GPATCH2L: variants seen among roughly 807,000 people sequenced by gnomAD.
The protein encoded by GPATCH2L is G-patch domain containing 2 like.
Under a neutral mutation model 57.4 loss-of-function variants are expected in GPATCH2L, and 31 were observed. That is an observed-to-expected ratio of 0.54 (90% CI 0.41 to 0.73). GPATCH2L has a LOEUF of 0.73. GPATCH2L is among the 30% of genes least tolerant of loss of function. The probability of loss-of-function intolerance (pLI) is 0.00; values close to 1 mark genes in which losing one functional copy is unlikely to be tolerated. For missense variants in GPATCH2L, 481 were observed against 599.9 expected (o/e 0.80, Z 2.07); for synonymous variants, 199 against 210.7 (o/e 0.94, Z 0.48).
chr14:76,199,315 G>A (rs2040246429), intron 9 of GPATCH2L, among the ~76,000 whole-genome samples: 1 of 151,768 alleles, frequency 6.6e-6, no homozygotes, highest in Non-Finnish European at 1.5e-5. Context: ...GCAGACATAT[G>A]TATCTTCAAG....
intron 8 of GPATCH2L, among the ~76,000 whole-genome samples, chr14:76,184,599 A>C (rs974693216): frequency 6.6e-6 from 1 of 152,218 alleles, no homozygotes; most frequent in African/African-American, 2.4e-5. Flanking sequence ...TATTAAAATA[A>C]CATTTTATTG....
intron 5 of GPATCH2L, chr14:76,175,265 GC>G (rs1194927566): frequency 6.6e-6 from 1 of 152,114 alleles, no homozygotes; most frequent in African/African-American, 2.4e-5. Flanking sequence ...TGTTGGATGT[GC>G]CTTTAATGAT....
intron 8 of GPATCH2L, among the ~76,000 whole-genome samples, chr14:76,191,534 G>A (rs750232436): frequency 7.9e-5 from 12 of 152,082 alleles, no homozygotes; most frequent in Non-Finnish European, 1.5e-4. Context: ...TGAATGTGCC[G>A]TGCCACATGA....
intron 2 of GPATCH2L, among the ~76,000 whole-genome samples, chr14:76,162,740 C>T (rs2038653417): frequency 6.6e-6 from 1 of 152,024 alleles, no homozygotes; most frequent in African/African-American, 2.4e-5. Context: ...GGTATGGGTC[C>T]CTGAGAGTAT....
chr14:76,176,552 A>G (rs1010012486), intron 5 of GPATCH2L, 71 bp from the exon 6 acceptor site: 1 of 1,073,052 alleles, frequency 9.3e-7, no homozygotes, highest in African/African-American at 1.6e-5. Flanking sequence ...AGTTATGGGA[A>G]AGATTGATAT....
intron 3 of GPATCH2L, 61 bp from the exon 4 acceptor site, chr14:76,171,782 C>A (rs568145879): frequency 3.1e-6 from 3 of 978,870 alleles, no homozygotes; most frequent in Admixed American, 5.3e-5. Flanking sequence ...TCATCCCTCC[C>A]ATTTGTTTTT....
chr14:76,226,054 T>C (rs185691279), intron 1 of GPATCH2L, among the ~76,000 whole-genome samples: 76 of 152,330 alleles, frequency 5.0e-4, no homozygotes, highest in Non-Finnish European at 1.0e-3. Flanking sequence ...TTTGACAATG[T>C]TTATTAAAGC....
intron 2 of GPATCH2L, among the ~76,000 whole-genome samples, chr14:76,230,171 A>G (rs968683819): frequency 6.6e-6 from 1 of 152,208 alleles, no homozygotes. Flanking sequence ...CTTGGGCCTG[A>G]CACAGAAGGG....
At chr14:76,166,847 G>A (rs2038865012) in intron 3 of GPATCH2L, 120 bp downstream of exon 3, 5 of 748,188 alleles carry the variant, frequency 6.7e-6, no homozygotes, top group Admixed American at 2.1e-5. Flanking sequence ...CAAACTTTAA[G>A]GCATATGAGA....
In GPATCH2L at chr14:76,213,663, A is replaced by G. The variant is rs988562095; in HGVS notation, c.*11812A>G. 3 of 152,216 alleles carry G rather than the reference A, an allele frequency of 2.0e-5. No individual in the cohort carries two copies. In the East Asian group the frequency reaches 5.8e-4, roughly 29 times the overall value. The allele number at this position is 152,216 out of a possible 1,614,324, so 9.4% of individuals were successfully genotyped here. On this transcript the variant is annotated 3_prime_UTR_variant, in exon 10 of 10. Transcript: ENST00000261530. Reference sequence around the variant, plus strand: ...GCCTGACACAGAGCCCCCTCTTCACATTCTCAGGGGCTCTTGATCCAAAAC... The same window carrying G: ...GCCTGACACAGAGCCCCCTCTTCACGTTCTCAGGGGCTCTTGATCCAAAAC...
intron 3 of GPATCH2L, among the ~76,000 whole-genome samples, chr14:76,168,660 T>C (rs1254635619): frequency 6.6e-6 from 1 of 152,210 alleles, no homozygotes; most frequent in Non-Finnish European, 1.5e-5. Flanking sequence ...TTTAAAGCCT[T>C]TGCTTGAATC....
intron 8 of GPATCH2L, among the ~76,000 whole-genome samples, chr14:76,183,945 C>T (rs1356287830): frequency 2.0e-5 from 3 of 151,726 alleles, no homozygotes; most frequent in Non-Finnish European, 4.4e-5. Flanking sequence ...TTTTCTTGTC[C>T]CATTTTATTT....
chr14:76,219,066 G>A (rs562980720), downstream of GPATCH2L, among the ~76,000 whole-genome samples: 11 of 147,612 alleles, frequency 7.5e-5, no homozygotes, highest in East Asian at 2.0e-3. Flanking sequence ...GCCTTTCTAA[G>A]TATGACACAA....
chr14:76,224,999 T>G (rs1207639961), intron 1 of GPATCH2L, among the ~76,000 whole-genome samples: 2 of 152,146 alleles, frequency 1.3e-5, no homozygotes, highest in East Asian at 1.9e-4. Flanking sequence ...AATGGAGAGA[T>G]CTGCTGTATT....
intron 3 of GPATCH2L, among the ~76,000 whole-genome samples, chr14:76,169,776 TAAGAA>T (rs1487993192): frequency 1.3e-5 from 2 of 152,220 alleles, no homozygotes; most frequent in Non-Finnish European, 2.9e-5. Flanking sequence ...TGCTTATGAA[TAAGAA>T]AAGAATTAAT....
At chr14:76,195,199 A>G (rs1187315177) in intron 8 of GPATCH2L, among the ~76,000 whole-genome samples, 1 of 152,170 alleles carries the variant, frequency 6.6e-6, no homozygotes, top group Non-Finnish European at 1.5e-5. Flanking sequence ...ATACAGTACA[A>G]TACATTCTTG....
At chr14:76,157,674 T>TG (rs767321400) in intron 2 of GPATCH2L, among the ~76,000 whole-genome samples, 2 of 59,532 alleles carry the variant, frequency 3.4e-5, no homozygotes, top group Admixed American at 1.7e-4. Flanking sequence ...AATGGTAGCG[T>TG]TTTTTTTTTC....
chr14:76,218,271 A>G (rs935611359), downstream of GPATCH2L, among the ~76,000 whole-genome samples: 1 of 152,186 alleles, frequency 6.6e-6, no homozygotes, highest in African/African-American at 2.4e-5. Flanking sequence ...AGAGAAAATT[A>G]TAATTTTAAG....
At chr14:76,218,390 T>G (rs1595012281), downstream of GPATCH2L, among the ~76,000 whole-genome samples, 1 of 152,072 alleles carries the variant, frequency 6.6e-6, no homozygotes, top group Non-Finnish European at 1.5e-5. Flanking sequence ...AGATACAATG[T>G]CTAATTTCAA....
Sources: allele counts gnomAD v4.1 joint callset (sites outside exome capture counted in the v4.1 genomes callset), GRCh38; gene constraint gnomAD v4.1.1; transcripts MANE v1.5; gene names NCBI Gene and HGNC (gene_info 2026-07-23, HGNC 2026-07-21).